PDGFD: variants seen among roughly 807,000 people sequenced by gnomAD.
The protein encoded by PDGFD is platelet-derived growth factor D.
In PDGFD, 30 loss-of-function variants were observed where a neutral mutation model predicts 44.7. The ratio of observed to expected loss-of-function variants is 0.67; its 90% CI spans 0.50 to 0.91. The LOEUF is 0.91. Ranked by LOEUF, PDGFD falls within the 40% of genes least tolerant of loss-of-function variation. The pLI, the probability that PDGFD is intolerant of heterozygous loss-of-function variation, is 0.00. For synonymous variants in PDGFD, 173 were observed against 168.4 expected (o/e 1.03, Z -0.21); for missense variants, 445 against 457.8 (o/e 0.97, Z 0.25).
At chr11:103,940,572 C>A (rs1858567611) in intron 5 of PDGFD, among the ~76,000 whole-genome samples, 1 of 152,090 alleles carries the variant, frequency 6.6e-6, no homozygotes, top group African/African-American at 2.4e-5. Flanking sequence ...TTCACTGCTC[C>A]CCTCCTCATA....
chr11:104,013,605 A>T (rs558475340), intron 1 of PDGFD, among the ~76,000 whole-genome samples: 1 of 152,146 alleles, frequency 6.6e-6, no homozygotes, highest in South Asian at 2.1e-4. Context: ...AGCCAGACCT[A>T]ACTTCCAATA....
chr11:103,937,770 T>G (rs1385844113), intron 5 of PDGFD, among the ~76,000 whole-genome samples: 2 of 145,680 alleles, frequency 1.4e-5, no homozygotes, highest in African/African-American at 5.1e-5. Context: ...GTTCTCATTG[T>G]TCAATTCCCA....
intron 2 of PDGFD, 146 bp from the exon 3 acceptor site, chr11:103,996,391 GA>G (rs1859535121): frequency 2.5e-6 from 2 of 801,898 alleles, no homozygotes; most frequent in African/African-American, 3.6e-5. Flanking sequence ...ATGTTAAAAG[GA>G]AAACTGGTTT....
chr11:104,020,735 T>A (rs932380141), intron 1 of PDGFD, among the ~76,000 whole-genome samples: 17 of 152,166 alleles, frequency 1.1e-4, no homozygotes, highest in African/African-American at 4.1e-4. Context: ...CATTATTCCC[T>A]GCATAGACCT....
intron 1 of PDGFD, among the ~76,000 whole-genome samples, chr11:104,003,430 G>A (rs1859649783): frequency 6.6e-6 from 1 of 152,202 alleles, no homozygotes; most frequent in Non-Finnish European, 1.5e-5. Context: ...TAGACAAACT[G>A]GAGGGAAAAT....
chr11:103,920,212 C>T (rs1465896888), intron 6 of PDGFD, among the ~76,000 whole-genome samples: 3 of 152,312 alleles, frequency 2.0e-5, no homozygotes, highest in South Asian at 2.1e-4. Context: ...ATAACATGCT[C>T]ATGAATTTTG....
intron 1 of PDGFD, among the ~76,000 whole-genome samples, chr11:104,151,584 C>T (rs1451237335): frequency 6.6e-6 from 1 of 152,012 alleles, no homozygotes; most frequent in Non-Finnish European, 1.5e-5. Context: ...TACTGCCATC[C>T]AGTGGTCAAA....
At chr11:104,026,892 T>G (rs1429164872) in intron 1 of PDGFD, among the ~76,000 whole-genome samples, 1 of 152,218 alleles carries the variant, frequency 6.6e-6, no homozygotes, top group African/African-American at 2.4e-5. Context: ...GGAAAGACCA[T>G]ACTTATATTC....
intron 1 of PDGFD, among the ~76,000 whole-genome samples, chr11:104,134,035 T>C (rs1861964409): frequency 6.6e-6 from 1 of 152,206 alleles, no homozygotes; most frequent in African/African-American, 2.4e-5. Flanking sequence ...ACATGCATTT[T>C]AGTAGCATTA....
intron 3 of PDGFD, among the ~76,000 whole-genome samples, chr11:103,956,136 T>C (rs1015366827): frequency 3.3e-5 from 5 of 151,452 alleles, no homozygotes; most frequent in African/African-American, 1.2e-4. Flanking sequence ...TATGTATACA[T>C]GTGCCATGCT....
intron 3 of PDGFD, among the ~76,000 whole-genome samples, chr11:103,972,167 T>C (rs1859114595): frequency 6.6e-6 from 1 of 152,190 alleles, no homozygotes; most frequent in Non-Finnish European, 1.5e-5. Flanking sequence ...AACTCAGCAT[T>C]ATTTACACTT....
At chr11:104,108,004 T>C (rs960229422) in intron 1 of PDGFD, among the ~76,000 whole-genome samples, 1 of 152,028 alleles carries the variant, frequency 6.6e-6, no homozygotes, top group Non-Finnish European at 1.5e-5. Flanking sequence ...ATAAATAAGA[T>C]AGAAATATTA....
chr11:103,909,655 A>C lies in PDGFD; in HGVS notation c.*39T>G. 1 of 1,611,512 alleles carries C rather than the reference A, an allele frequency of 6.2e-7. No individual in the cohort carries two copies. On this transcript the variant is annotated 3_prime_UTR_variant, in exon 7 of 7. Coordinates refer to ENST00000393158, the MANE Select transcript of PDGFD (RefSeq NM_025208.5). ...TCTTATCTCACCCTCCTTAAACTAAAGGTTCTTTCAGGCTTAATGTAAGGA... is the reference window on the plus strand; with the variant it reads ...TCTTATCTCACCCTCCTTAAACTAACGGTTCTTTCAGGCTTAATGTAAGGA...
chr11:104,136,338 T>C (rs75350394), intron 1 of PDGFD, among the ~76,000 whole-genome samples: 19,831 of 152,132 alleles, frequency 0.13, 1,435 homozygotes, highest in East Asian at 0.29. Context: ...ACATGACAGA[T>C]TGAACAAGAG....
chr11:103,967,655 AC>A (rs1364764613), intron 3 of PDGFD, among the ~76,000 whole-genome samples: 1 of 151,610 alleles, frequency 6.6e-6, no homozygotes, highest in Non-Finnish European at 1.5e-5. Flanking sequence ...ACCCTTCAAA[AC>A]CCCTTCTCTA....
chr11:104,080,917 A>T (rs995376985), intron 1 of PDGFD, among the ~76,000 whole-genome samples: 1 of 152,208 alleles, frequency 6.6e-6, no homozygotes, highest in African/African-American at 2.4e-5. Context: ...CCTCCAGTCA[A>T]TAATCAGTAC....
At chr11:104,037,185 T>C (rs558127423) in intron 1 of PDGFD, 2 of 1,613,674 alleles carry the variant, frequency 1.2e-6, no homozygotes, top group Admixed American at 3.3e-5. Flanking sequence ...GCACACCCGC[T>C]GCCCAGCGGT....
intron 1 of PDGFD, among the ~76,000 whole-genome samples, chr11:104,033,315 G>A (rs1324095905): frequency 2.0e-5 from 3 of 152,084 alleles, no homozygotes; most frequent in African/African-American, 4.8e-5. Flanking sequence ...GTGGATGGGT[G>A]GCTGGACTAT....
intron 1 of PDGFD, among the ~76,000 whole-genome samples, chr11:104,111,950 G>A (rs1319052784): frequency 2.0e-5 from 3 of 152,216 alleles, no homozygotes; most frequent in African/African-American, 7.2e-5. Flanking sequence ...CAAATTTCAG[G>A]TCTTCAGAAA....
Sources: allele counts gnomAD v4.1 joint callset (sites outside exome capture counted in the v4.1 genomes callset), GRCh38; gene constraint gnomAD v4.1.1; transcripts MANE v1.5; gene names NCBI Gene and HGNC (gene_info 2026-07-23, HGNC 2026-07-21).